MEIS1: variants seen among roughly 807,000 people sequenced by gnomAD.
MEIS1 encodes the protein homeobox protein Meis1.
A neutral mutation model predicts 50.8 loss-of-function variants in MEIS1; 5 were observed. The observed-to-expected ratio is 0.10, with a 90% CI of 0.05 to 0.21. MEIS1 has a LOEUF of 0.21. Among genes scored for constraint, MEIS1 ranks in the 10% least tolerant of loss-of-function variants. The probability of loss-of-function intolerance (pLI) is 1.00; values close to 1 mark genes in which losing one functional copy is unlikely to be tolerated. For synonymous variants in MEIS1, 176 were observed against 179.3 expected (o/e 0.98, Z 0.15); for missense variants, 318 against 517.3 (o/e 0.61, Z 3.74).
At chr2:66,449,396 A>G (rs1489938054) in intron 6 of MEIS1, among the ~76,000 whole-genome samples, 5 of 152,140 alleles carry the variant, frequency 3.3e-5, no homozygotes, top group Non-Finnish European at 7.4e-5. Flanking sequence ...CGAATAAACC[A>G]TGGGTGTCTA....
chr2:66,572,007 C>T lies in MEIS1; in HGVS notation c.*799C>T. On this transcript the variant is annotated 3_prime_UTR_variant, in exon 13 of 13. Transcript: ENST00000272369. ...GATTTCAGCCATGCGCGCGCTCTCT[C>T]TCTTTCTCTCTCTTTTCCTCTCTCT... 6.2e-6 allele frequency: 1 copy of T among 161,786 alleles called. No individual in the cohort carries two copies. Among genetic ancestry groups the T allele is most frequent in the Non-Finnish European group, 1.3e-5 (1 of 75,396 alleles). 10.0% of individuals were successfully genotyped at this position (161,786 alleles called of 1,614,324 possible). A position where few individuals can be genotyped will look rare whatever the true frequency, so the allele number is the denominator to read the frequency against.
At chr2:66,479,892 T>G (rs372265130) in intron 7 of MEIS1, among the ~76,000 whole-genome samples, 2 of 152,312 alleles carry the variant, frequency 1.3e-5, no homozygotes, top group African/African-American at 4.8e-5. Flanking sequence ...CTCACTGCAT[T>G]TTCCTTCAGA....
At chr2:66,555,411 G>A (rs1675036806) in intron 9 of MEIS1, among the ~76,000 whole-genome samples, 1 of 151,108 alleles carries the variant, frequency 6.6e-6, no homozygotes, top group African/African-American at 2.4e-5. Flanking sequence ...TGTGAATCAA[G>A]GGGACAAATG....
chr2:66,531,258 G>A (rs1674383175), intron 8 of MEIS1, among the ~76,000 whole-genome samples: 2 of 152,162 alleles, frequency 1.3e-5, no homozygotes, highest in Non-Finnish European at 2.9e-5. Context: ...GATGGTAAAT[G>A]ATATACAATT....
intron 7 of MEIS1, among the ~76,000 whole-genome samples, chr2:66,493,226 T>A (rs967996145): frequency 5.9e-5 from 9 of 152,212 alleles, no homozygotes; most frequent in Non-Finnish European, 1.5e-5. Flanking sequence ...TAGTCTTATC[T>A]TGAAGGCATA....
chr2:66,456,094 T>TA (rs1188667215), intron 6 of MEIS1, among the ~76,000 whole-genome samples: 1 of 152,156 alleles, frequency 6.6e-6, no homozygotes, highest in East Asian at 1.9e-4. Context: ...TACACAGAGA[T>TA]AGAGGATTCA....
At chr2:66,436,206 G>A (rs978579688) in intron 1 of MEIS1, among the ~76,000 whole-genome samples, 7 of 152,162 alleles carry the variant, frequency 4.6e-5, no homozygotes, top group South Asian at 4.1e-4. Context: ...TTAAAGTTAT[G>A]TTTAAACTAA....
At chr2:66,467,679 C>T (rs1283185096) in intron 7 of MEIS1, among the ~76,000 whole-genome samples, 2 of 152,040 alleles carry the variant, frequency 1.3e-5, no homozygotes, top group African/African-American at 4.8e-5. Context: ...TATCAAGGTA[C>T]TATTATTCAG....
At position 66,480,878 on chromosome 2, in the gene MEIS1, C is replaced by G. The variant is rs553628378; in HGVS notation, c.742+16658C>G. ...AGAATGGTGGAAATCTTTGCAATGACAGATGCCATTGCAGATTATTATGAT... is the reference window on the plus strand; with the variant it reads ...AGAATGGTGGAAATCTTTGCAATGAGAGATGCCATTGCAGATTATTATGAT... On this transcript the variant is annotated intron_variant, in intron 7 of 12. Coordinates refer to ENST00000272369, the MANE Select transcript of MEIS1 (RefSeq NM_002398.3). 1.9e-4 allele frequency among the ~76,000 whole-genome samples: 29 copies of G among 152,188 alleles called. No individual in the cohort carries two copies. The East Asian group carries it at 5.0e-3, about 26-fold the overall frequency.
chr2:66,567,372 C>G (rs1324175028), intron 9 of MEIS1, 81 bp from the exon 10 acceptor site: 11 of 1,440,104 alleles, frequency 7.6e-6, no homozygotes, highest in African/African-American at 2.8e-5. Context: ...TTTACTCCAA[C>G]TGCGATTCAT....
At chr2:66,442,291 A>AT (rs1672009713) in intron 5 of MEIS1, among the ~76,000 whole-genome samples, 1 of 151,862 alleles carries the variant, frequency 6.6e-6, no homozygotes, top group African/African-American at 2.4e-5. Flanking sequence ...AAAAAAAAAA[A>AT]AAATCAATTT....
intron 2 of MEIS1, 131 bp downstream of exon 2, chr2:66,438,094 C>T (rs1197010695): frequency 9.1e-6 from 8 of 876,856 alleles, no homozygotes; most frequent in Non-Finnish European, 1.4e-5. Flanking sequence ...ATTCACATTT[C>T]ATGGATAATT....
intron 8 of MEIS1, among the ~76,000 whole-genome samples, chr2:66,513,633 CATA>C (rs1264255186): frequency 6.6e-6 from 1 of 152,002 alleles, no homozygotes. Flanking sequence ...CTCTTCTTCC[CATA>C]ATAATTCCAA....
At chr2:66,551,657 G>T (rs1372854524) in intron 9 of MEIS1, among the ~76,000 whole-genome samples, 1 of 151,196 alleles carries the variant, frequency 6.6e-6, no homozygotes, top group Non-Finnish European at 1.5e-5. Context: ...TGATGTGACT[G>T]CATATTTTTA....
chr2:66,563,181 C>T (rs1161904431), intron 9 of MEIS1, among the ~76,000 whole-genome samples: 1 of 152,060 alleles, frequency 6.6e-6, no homozygotes, highest in African/African-American at 2.4e-5. Context: ...TTTAAACTAA[C>T]ATACTTTGTA....
intron 3 of MEIS1, 99 bp from the exon 4 acceptor site, chr2:66,440,463 G>C: frequency 2.9e-6 from 3 of 1,019,734 alleles, no homozygotes; most frequent in Non-Finnish European, 4.6e-6. Context: ...GCCCCCGACA[G>C]TGTAATGAGG....
intron 7 of MEIS1, among the ~76,000 whole-genome samples, chr2:66,466,931 C>T (rs1274259973): frequency 6.9e-6 from 1 of 144,154 alleles, no homozygotes; most frequent in East Asian, 2.0e-4. Context: ...TTCATTATGG[C>T]ACCTGTGGTT....
chr2:66,479,055 G>A (rs531506726), intron 7 of MEIS1, among the ~76,000 whole-genome samples: 71 of 152,320 alleles, frequency 4.7e-4, no homozygotes, highest in Non-Finnish European at 5.7e-4. Context: ...TAACAAGATT[G>A]TTTGATTACC....
intron 8 of MEIS1, among the ~76,000 whole-genome samples, chr2:66,539,346 C>T (rs1171600140): frequency 6.6e-6 from 1 of 152,178 alleles, no homozygotes; most frequent in East Asian, 1.9e-4. Context: ...ATAAAAGGTA[C>T]ACACACATAC....
Sources: allele counts gnomAD v4.1 joint callset (sites outside exome capture counted in the v4.1 genomes callset), GRCh38; gene constraint gnomAD v4.1.1; transcripts MANE v1.5; gene names NCBI Gene and HGNC (gene_info 2026-07-23, HGNC 2026-07-21).